NCALD: variants seen among roughly 807,000 people sequenced by gnomAD.
NCALD encodes the protein neurocalcin-delta.
NCALD carries 10 observed loss-of-function variants against 18.6 expected under a neutral mutation model. That is an observed-to-expected ratio of 0.54 (90% CI 0.33 to 0.91). The LOEUF (loss-of-function observed/expected upper bound fraction) is 0.91. Among genes scored for constraint, NCALD ranks in the 40% least tolerant of loss-of-function variants. The pLI is 0.03. For synonymous variants in NCALD, 88 were observed against 87.4 expected (o/e 1.01, Z -0.04); for missense variants, 184 against 247.6 (o/e 0.74, Z 1.72).
At position 101,743,048 on chromosome 8, in the gene NCALD, T is replaced by A. The variant is rs186450400; in HGVS notation, c.-19-23400A>T. On this transcript the variant is annotated intron_variant, in intron 1 of 3. Transcript: ENST00000220931. Reference sequence around the variant, plus strand: ...CAAGGATTCTAAATATATATTTACATATGTATTAAAGAGTGTATTTTAAAA... The same window carrying A: ...CAAGGATTCTAAATATATATTTACAAATGTATTAAAGAGTGTATTTTAAAA... 3.9e-5 allele frequency among the ~76,000 whole-genome samples: 6 copies of A among 152,318 alleles called. No homozygotes were observed. In the East Asian group the frequency reaches 1.2e-3, roughly 29 times the overall value.
chr8:102,033,489 C>T (rs1822754812), intron 1 of NCALD, among the ~76,000 whole-genome samples: 1 of 152,144 alleles, frequency 6.6e-6, no homozygotes, highest in African/African-American at 2.4e-5. Context: ...ATTTTGCTAC[C>T]TGTGCCTAAG....
At chr8:101,891,713 G>T (rs937327872) in intron 3 of NCALD, among the ~76,000 whole-genome samples, 2 of 152,240 alleles carry the variant, frequency 1.3e-5, no homozygotes, top group Non-Finnish European at 2.9e-5. Context: ...AGCGCAAGGG[G>T]TCAGGGAGTT....
chr8:101,780,769 T>A (rs536502678), intron 1 of NCALD, among the ~76,000 whole-genome samples: 1 of 152,214 alleles, frequency 6.6e-6, no homozygotes, highest in Non-Finnish European at 1.5e-5. Flanking sequence ...TAATTTTAAA[T>A]CCAGACATGA....
intron 1 of NCALD, among the ~76,000 whole-genome samples, chr8:102,095,861 A>C (rs776808452): frequency 6.6e-6 from 1 of 152,230 alleles, no homozygotes; most frequent in Non-Finnish European, 1.5e-5. Context: ...ATCCTGTTAG[A>C]CTAGTCACCT....
At chr8:102,008,004 T>G (rs1197425241) in intron 2 of NCALD, among the ~76,000 whole-genome samples, 1 of 152,234 alleles carries the variant, frequency 6.6e-6, no homozygotes, top group Non-Finnish European at 1.5e-5. Flanking sequence ...AGCTTCCCCC[T>G]CTATACCCAT....
intron 2 of NCALD, among the ~76,000 whole-genome samples, chr8:101,970,461 T>C (rs1031333321): frequency 6.6e-6 from 1 of 152,174 alleles, no homozygotes; most frequent in Non-Finnish European, 1.5e-5. Context: ...CAAAAGAGTC[T>C]GAATTTTTTG....
rs559572787 is a variant in NCALD, at chr8:101,762,816, C to T, written c.-20+28046G>A. Among the ~76,000 whole-genome samples, 16 of 152,224 alleles carry T rather than the reference C, an allele frequency of 1.1e-4. No homozygotes were observed. The South Asian group carries it at 3.3e-3, about 32-fold the overall frequency. ...CTTGAACTCCAGACCTTGTGATCCA[C>T]CCGCCTTGGCCTCCCAAAGTGCTGG... On this transcript the variant is annotated intron_variant, in intron 1 of 3. Coordinates refer to ENST00000220931, the MANE Select transcript of NCALD (RefSeq NM_032041.3).
intron 1 of NCALD, among the ~76,000 whole-genome samples, chr8:102,080,917 T>C (rs550802028): frequency 2.6e-4 from 40 of 152,328 alleles, no homozygotes; most frequent in Middle Eastern, 3.4e-3. Context: ...GGGAGAAGTT[T>C]TGATGCCAAA....
chr8:101,788,282 G>A (rs1015617030), intron 1 of NCALD, among the ~76,000 whole-genome samples: 8 of 152,126 alleles, frequency 5.3e-5, no homozygotes, highest in African/African-American at 1.9e-4. Flanking sequence ...AGAGGGCCTG[G>A]GGAACTTGGT....
At chr8:102,122,688 C>T (rs375263182) in intron 1 of NCALD, among the ~76,000 whole-genome samples, 1 of 152,196 alleles carries the variant, frequency 6.6e-6, no homozygotes, top group Non-Finnish European at 1.5e-5. Context: ...CTATTATCAA[C>T]CTCATGCCTC....
At chr8:101,720,947 A>G (rs922743890) in intron 1 of NCALD, among the ~76,000 whole-genome samples, 3 of 152,274 alleles carry the variant, frequency 2.0e-5, no homozygotes, top group African/African-American at 7.2e-5. Context: ...TGAGGGGACG[A>G]TATGACAGAT....
At chr8:101,818,976 C>T (rs1161367614) in intron 4 of NCALD, among the ~76,000 whole-genome samples, 1 of 152,126 alleles carries the variant, frequency 6.6e-6, no homozygotes, top group African/African-American at 2.4e-5. Context: ...TGCATTCCAG[C>T]CTGGGCAACA....
intron 3 of NCALD, among the ~76,000 whole-genome samples, chr8:101,893,412 C>A (rs1422524839): frequency 6.7e-6 from 1 of 150,166 alleles, no homozygotes; most frequent in Non-Finnish European, 1.5e-5. Flanking sequence ...CAAAATCATG[C>A]CAAAATGTAA....
intron 4 of NCALD, among the ~76,000 whole-genome samples, chr8:101,851,777 C>T (rs546196251): frequency 9.2e-5 from 14 of 152,210 alleles, no homozygotes; most frequent in Middle Eastern, 3.4e-3. Context: ...ATCTTTACAA[C>T]AGCTCCATGA....
At chr8:101,865,040 G>A (rs1020734125) in intron 4 of NCALD, among the ~76,000 whole-genome samples, 4 of 152,122 alleles carry the variant, frequency 2.6e-5, no homozygotes, top group Non-Finnish European at 4.4e-5. Flanking sequence ...CAGCAGATGG[G>A]ACAGTTCAAG....
chr8:102,107,937 A>G (rs561880498), intron 1 of NCALD, among the ~76,000 whole-genome samples: 9 of 151,610 alleles, frequency 5.9e-5, no homozygotes. Context: ...CCTTCCCCTC[A>G]CCCCACCCAC....
At chr8:101,716,775 T>A (rs1436871563) in intron 2 of NCALD, among the ~76,000 whole-genome samples, 1 of 152,276 alleles carries the variant, frequency 6.6e-6, no homozygotes, top group African/African-American at 2.4e-5. Flanking sequence ...TTCCCCTAAA[T>A]TATTCACATG....
chr8:102,095,561 G>C lies in NCALD; in HGVS notation c.-210+28676C>G, dbSNP rs186423281. 1.4e-3 allele frequency among the ~76,000 whole-genome samples: 210 copies of C among 152,230 alleles called. 2 individuals are homozygous for C. The highest frequency in any genetic ancestry group is 4.9e-3 in the African/African-American group (203 of 41,532). ...TACAATGCCAAGGACATTGTTAGTGGGTTCATTAAAAGGTTCAGTTAACTG... is the reference window on the plus strand; with the variant it reads ...TACAATGCCAAGGACATTGTTAGTGCGTTCATTAAAAGGTTCAGTTAACTG... On this transcript the variant is annotated intron_variant, in intron 1 of 6. Transcript: ENST00000311028.
chr8:101,703,152 C>G (rs1197100931), intron 2 of NCALD, among the ~76,000 whole-genome samples: 5 of 147,664 alleles, frequency 3.4e-5, no homozygotes, highest in Admixed American at 2.0e-4. Flanking sequence ...CTCTGTTCCT[C>G]TTTTTTTTTT....
Sources: allele counts gnomAD v4.1 joint callset (sites outside exome capture counted in the v4.1 genomes callset), GRCh38; gene constraint gnomAD v4.1.1; transcripts MANE v1.5; gene names NCBI Gene and HGNC (gene_info 2026-07-23, HGNC 2026-07-21).